C2orf92: variants seen among roughly 807,000 people sequenced by gnomAD.
C2orf92 encodes the protein chromosome 2 open reading frame 92.
intron 3 of C2orf92, among the ~76,000 whole-genome samples, chr2:97,686,086 C>T (rs978425149): frequency 1.3e-5 from 2 of 152,332 alleles, no homozygotes; most frequent in African/African-American, 4.8e-5. Flanking sequence ...GGGCCAGCAT[C>T]TGGCAAGAAC....
intron 1 of C2orf92, 119 bp from the exon 2 acceptor site, chr2:97,674,337 A>C (rs1675507357): frequency 7.6e-6 from 3 of 396,520 alleles, no homozygotes; most frequent in South Asian, 2.8e-4. Context: ...CAAGGCATTT[A>C]CAGCATGATG....
chr2:97,675,616 A>G (rs1431302153), intron 2 of C2orf92: 1 of 383,922 alleles, frequency 2.6e-6, no homozygotes, highest in African/African-American at 2.1e-5. Context: ...GCTTATGCAT[A>G]TTGTCTGTCA....
chr2:97,675,763 G>A (rs552703700), intron 2 of C2orf92, 82 bp from the exon 3 acceptor site: 20 of 398,634 alleles, frequency 5.0e-5, no homozygotes, highest in African/African-American at 2.5e-4. Context: ...TCAAAATCCC[G>A]TGCAGAAGAG....
At chr2:97,678,118 T>C (rs928794332) in intron 3 of C2orf92, among the ~76,000 whole-genome samples, 5 of 151,278 alleles carry the variant, frequency 3.3e-5, no homozygotes, top group Non-Finnish European at 7.4e-5. Context: ...GAGAATGGCA[T>C]GAACCCAGGA....
intron 3 of C2orf92, 30 bp downstream of exon 3, chr2:97,675,958 G>T (rs1430025600): frequency 5.0e-6 from 2 of 398,472 alleles, no homozygotes; most frequent in African/African-American, 4.1e-5. Context: ...GAAGCCTTTA[G>T]CCTGTGTTTG....
At chr2:97,677,077 A>T (rs1389250053) in intron 3 of C2orf92, among the ~76,000 whole-genome samples, 1 of 152,218 alleles carries the variant, frequency 6.6e-6, no homozygotes, top group African/African-American at 2.4e-5. Flanking sequence ...AGTGAGCTTG[A>T]TGAAGAGGCT....
chr2:97,674,143 T>C (rs1324310636), intron 1 of C2orf92: 1 of 218,880 alleles, frequency 4.6e-6, no homozygotes. Context: ...CTGATATCAT[T>C]GGGGGCCTCC....
At chr2:97,667,392 A>G (rs1675269366), upstream of C2orf92, among the ~76,000 whole-genome samples, 1 of 146,092 alleles carries the variant, frequency 6.8e-6, no homozygotes, top group African/African-American at 2.6e-5. Context: ...CCTCCCTAGT[A>G]GCTGGGATCA....
chr2:97,666,842 CAAA>C (rs56257918), upstream of C2orf92: 12 of 68,016 alleles, frequency 1.8e-4, no homozygotes, highest in Admixed American at 6.4e-4. Context: ...GACTCTGTCT[CAAA>C]AAAAAAAAAA....
At chr2:97,702,063 A>T (rs1676512968) in intron 7 of C2orf92, 1 of 152,304 alleles carries the variant, frequency 6.6e-6, no homozygotes, top group Non-Finnish European at 1.5e-5. Flanking sequence ...GTCCCCAGGG[A>T]CATGTATTCC....
intron 3 of C2orf92, among the ~76,000 whole-genome samples, chr2:97,678,026 C>T (rs745764041): frequency 1.6e-4 from 24 of 151,878 alleles, no homozygotes; most frequent in Non-Finnish European, 3.1e-4. Flanking sequence ...CGGTGAAATC[C>T]CGTCTCTACT....
intron 1 of C2orf92, chr2:97,671,346 T>C: frequency 2.5e-6 from 1 of 393,012 alleles, no homozygotes; most frequent in Non-Finnish European, 4.5e-6. Flanking sequence ...GGGGTCTCCC[T>C]ATGTTTCCCA....
intron 3 of C2orf92, among the ~76,000 whole-genome samples, chr2:97,683,114 A>AC (rs56333365): frequency 5.9e-4 from 89 of 151,754 alleles, no homozygotes; most frequent in Non-Finnish European, 9.6e-4. Flanking sequence ...ACACACACAC[A>AC]AACATATTAA....
At chr2:97,700,974 G>A (rs946097925) in intron 6 of C2orf92, among the ~76,000 whole-genome samples, 180 bp from the exon 7 acceptor site, 19 of 151,694 alleles carry the variant, frequency 1.3e-4, no homozygotes. Context: ...CTCGTGATCC[G>A]CCCGCCTCAG....
chr2:97,700,697 C>T (rs191364188), intron 6 of C2orf92, among the ~76,000 whole-genome samples: 4 of 151,892 alleles, frequency 2.6e-5, no homozygotes, highest in Admixed American at 6.6e-5. Flanking sequence ...AAGAGGACTT[C>T]TGGAACCAGT....
chr2:97,701,495 G>A (rs1244881887), intron 7 of C2orf92, among the ~76,000 whole-genome samples, 191 bp downstream of exon 7: 1 of 152,206 alleles, frequency 6.6e-6, no homozygotes, highest in Non-Finnish European at 1.5e-5. Context: ...CACAGCCTGG[G>A]TGATTCTGAT....
chr2:97,671,621 G>A, intron 1 of C2orf92: 1 of 397,110 alleles, frequency 2.5e-6, no homozygotes, highest in African/African-American at 2.1e-5. Flanking sequence ...GCTCTTCCTT[G>A]AGGCTAGAAT....
chr2:97,682,679 T>C (rs895152183), intron 3 of C2orf92, among the ~76,000 whole-genome samples: 1 of 151,960 alleles, frequency 6.6e-6, no homozygotes, highest in African/African-American at 2.4e-5. Context: ...ATCACTGTAA[T>C]ATACCACATT....
chr2:97,676,987 AAAC>A (rs1475256876), intron 3 of C2orf92, among the ~76,000 whole-genome samples: 3 of 152,202 alleles, frequency 2.0e-5, no homozygotes, highest in African/African-American at 4.8e-5. Flanking sequence ...CCCTTTACCA[AAAC>A]AACAACTGAG....
Sources: allele counts gnomAD v4.1 joint callset (sites outside exome capture counted in the v4.1 genomes callset), GRCh38; gene constraint gnomAD v4.1.1; transcripts MANE v1.5; gene names NCBI Gene and HGNC (gene_info 2026-07-23, HGNC 2026-07-21).